TBC1D1: variants seen among roughly 807,000 people sequenced by gnomAD.
TBC1D1 encodes TBC1 (tre-2/USP6, BUB2, cdc16) domain family, member 1.
Under a neutral mutation model 125.6 loss-of-function variants are expected in TBC1D1, and 89 were observed. The ratio of observed to expected loss-of-function variants is 0.71; its 90% CI spans 0.60 to 0.85. The LOEUF (loss-of-function observed/expected upper bound fraction) is 0.85, where lower values mean the gene tolerates loss of function less well. Among genes scored for constraint, TBC1D1 ranks in the 40% least tolerant of loss-of-function variants. The probability of loss-of-function intolerance (pLI) is 0.00; values close to 1 mark genes in which losing one functional copy is unlikely to be tolerated. For missense variants in TBC1D1, 1,377 were observed against 1,469.2 expected (o/e 0.94, Z 1.03); for synonymous variants, 565 against 564.1 (o/e 1.00, Z -0.02).
At chr4:37,920,190 A>T (rs2152271229) in intron 2 of TBC1D1, among the ~76,000 whole-genome samples, 1 of 152,366 alleles carries the variant, frequency 6.6e-6, no homozygotes, top group South Asian at 2.1e-4. Flanking sequence ...ACAAAAACCC[A>T]ACAAAAAGCC....
At chr4:38,017,789 G>A (rs1743088217) in intron 3 of TBC1D1, among the ~76,000 whole-genome samples, 1 of 152,126 alleles carries the variant, frequency 6.6e-6, no homozygotes, top group African/African-American at 2.4e-5. Flanking sequence ...CTGCAGGGGC[G>A]TGTGCACACA....
chr4:38,063,972 A>C (rs968225512), intron 12 of TBC1D1, among the ~76,000 whole-genome samples: 1 of 152,186 alleles, frequency 6.6e-6, no homozygotes, highest in South Asian at 2.1e-4. Flanking sequence ...AAAAACCTGT[A>C]GTTGTCACTT....
At chr4:38,128,822 C>T (rs1765093042) in intron 18 of TBC1D1, among the ~76,000 whole-genome samples, 1 of 152,144 alleles carries the variant, frequency 6.6e-6, no homozygotes, top group Non-Finnish European at 1.5e-5. Flanking sequence ...CATCTTCTGA[C>T]CCAAGAAGAA....
At chr4:38,093,689 TTTA>T (rs71658756) in intron 13 of TBC1D1, among the ~76,000 whole-genome samples, 2 of 150,424 alleles carry the variant, frequency 1.3e-5, no homozygotes, top group Non-Finnish European at 1.5e-5. Context: ...CCGGCTAATT[TTTA>T]TTATTAGTAG....
At chr4:37,912,719 C>A (rs987061385) in intron 2 of TBC1D1, among the ~76,000 whole-genome samples, 3 of 152,174 alleles carry the variant, frequency 2.0e-5, no homozygotes. Flanking sequence ...GCCCTGCTTC[C>A]TTCTTCTACT....
At chr4:37,952,283 T>C in intron 2 of TBC1D1, 1 of 548,654 alleles carries the variant, frequency 1.8e-6, no homozygotes, top group South Asian at 2.2e-5. Flanking sequence ...TTTCAGCATG[T>C]GACTTAAAGT....
intron 17 of TBC1D1, chr4:38,118,462 C>G (rs1300207796): frequency 2.8e-6 from 1 of 354,496 alleles, no homozygotes; most frequent in Non-Finnish European, 5.0e-6. Context: ...TGAGGGTCTC[C>G]CTAGAGCAGA....
intron 2 of TBC1D1, among the ~76,000 whole-genome samples, chr4:38,001,722 G>C (rs562335878): frequency 6.6e-6 from 1 of 152,310 alleles, no homozygotes; most frequent in African/African-American, 2.4e-5. Context: ...AGATGCTCTT[G>C]TGTCAAGACC....
chr4:38,103,909 C>T (rs1327867180), intron 15 of TBC1D1, among the ~76,000 whole-genome samples: 3 of 151,710 alleles, frequency 2.0e-5, no homozygotes, highest in East Asian at 1.9e-4. Flanking sequence ...CCTGTAATCT[C>T]AGCACTTTGG....
intron 2 of TBC1D1, among the ~76,000 whole-genome samples, chr4:37,951,451 C>T (rs180678669): frequency 2.3e-3 from 343 of 152,280 alleles, no homozygotes; most frequent in African/African-American, 7.7e-3. Context: ...ATAAACAAAA[C>T]TTTGCTGCTA....
At position 38,133,155 on chromosome 4, in the gene TBC1D1, T is replaced by TA. The variant is rs769428509; in HGVS notation, c.3205dup (p.Ile1069AsnfsTer8). The TA allele has an allele frequency of 2.5e-6, 4 of 1,614,198 alleles. No individual in the cohort carries two copies. The Admixed American group carries it at 6.7e-5, about 27-fold the overall frequency. On this transcript the variant is annotated frameshift_variant, in exon 19 of 20. Transcript: ENST00000261439. LOFTEE classifies it high-confidence loss of function. ...AGTACCACGTCCTTCAAGAAGAACT[T>TA]ATCGATTCCTCTCCTCTCAGTGACA... is the stretch of plus-strand genomic sequence containing the variant.
intron 15 of TBC1D1, among the ~76,000 whole-genome samples, chr4:38,114,229 A>C (rs1647330985): frequency 6.6e-6 from 1 of 152,166 alleles, no homozygotes; most frequent in Non-Finnish European, 1.5e-5. Context: ...CTGGGGAGCT[A>C]TGGATTGCTT....
At chr4:38,126,085 T>G (rs1448751467) in intron 18 of TBC1D1, among the ~76,000 whole-genome samples, 1 of 152,256 alleles carries the variant, frequency 6.6e-6, no homozygotes, top group African/African-American at 2.4e-5. Flanking sequence ...TGGTATAGCC[T>G]ACTACACACC....
At chr4:38,110,636 G>A in intron 15 of TBC1D1, 1 of 985,406 alleles carries the variant, frequency 1.0e-6, no homozygotes, top group Non-Finnish European at 1.2e-6. Context: ...TAATGCCCAT[G>A]TTTGACCCTC....
chr4:37,902,087 C>A lies in TBC1D1; in HGVS notation c.-9C>A, dbSNP rs1560455113. 1 of 1,586,254 alleles carries A rather than the reference C, an allele frequency of 6.3e-7. No individual in the cohort carries two copies. On this transcript the variant is annotated 5_prime_UTR_variant, in exon 2 of 20. Transcript: ENST00000261439. Reference sequence around the variant, plus strand: ...AACTGTTTTGCTGAGTTCCCAGACCCTTCCCAAGATGGAACCAATAACATT... The same window carrying A: ...AACTGTTTTGCTGAGTTCCCAGACCATTCCCAAGATGGAACCAATAACATT...
intron 2 of TBC1D1, among the ~76,000 whole-genome samples, chr4:37,903,128 G>T (rs189737650): frequency 1.3e-5 from 2 of 152,158 alleles, no homozygotes; most frequent in Non-Finnish European, 2.9e-5. Context: ...GTTTTGATGC[G>T]ATCAGGGGTT....
chr4:37,959,072 G>T (rs1002561897), intron 2 of TBC1D1, among the ~76,000 whole-genome samples: 1 of 152,280 alleles, frequency 6.6e-6, no homozygotes, highest in South Asian at 2.1e-4. Context: ...CAGGTTAAGA[G>T]CAAGACTTCT....
intron 2 of TBC1D1, among the ~76,000 whole-genome samples, chr4:37,926,445 G>A (rs1722130862): frequency 6.6e-6 from 1 of 152,202 alleles, no homozygotes; most frequent in African/African-American, 2.4e-5. Flanking sequence ...GAAGGGTGGT[G>A]AGTTCATTCT....
At chr4:37,935,684 C>A (rs1301257693) in intron 2 of TBC1D1, among the ~76,000 whole-genome samples, 4 of 152,154 alleles carry the variant, frequency 2.6e-5, no homozygotes, top group South Asian at 4.2e-4. Flanking sequence ...GACAGTACAC[C>A]TTTCTGCTGT....
Sources: gnomAD v4.1 joint callset for allele counts (sites outside exome capture counted in the v4.1 genomes callset) on GRCh38, gnomAD v4.1.1 for gene constraint, MANE v1.5 for transcripts, NCBI Gene and HGNC (gene_info 2026-07-23, HGNC 2026-07-21) for gene names.